The following CTNNA2 variants were observed in gnomAD, a reference collection of about 807,000 sequenced individuals.
CTNNA2 encodes the protein catenin alpha-2.
CTNNA2 carries 42 observed loss-of-function variants against 101.0 expected under a neutral mutation model. The ratio of observed to expected loss-of-function variants is 0.42; its 90% confidence interval spans 0.32 to 0.54. The LOEUF (loss-of-function observed/expected upper bound fraction) is 0.54. Among genes scored for constraint, CTNNA2 ranks in the 20% least tolerant of loss-of-function variants. The pLI, the probability that CTNNA2 is intolerant of heterozygous loss-of-function variation, is 0.14. For synonymous variants in CTNNA2, 450 were observed against 456.4 expected (o/e 0.99, Z 0.18); for missense variants, 871 against 1,223.1 (o/e 0.71, Z 4.29).
At chr2:79,749,162 G>A (rs77180289) in intron 3 of CTNNA2, among the ~76,000 whole-genome samples, 5,702 of 152,032 alleles carry the variant, frequency 0.038, 311 homozygotes, top group African/African-American at 0.12. Flanking sequence ...ATGTTCCATG[G>A]GCTGGGCTGG....
At chr2:80,616,260 G>A (rs1172781320) in intron 17 of CTNNA2, among the ~76,000 whole-genome samples, 1 of 151,658 alleles carries the variant, frequency 6.6e-6, no homozygotes, top group Non-Finnish European at 1.5e-5. Context: ...CCAAATTTCT[G>A]TATGTGAGAC....
chr2:80,452,884 A>G (rs1175432969), intron 9 of CTNNA2, among the ~76,000 whole-genome samples: 1 of 146,858 alleles, frequency 6.8e-6, no homozygotes, highest in Non-Finnish European at 1.5e-5. Context: ...AAGACCTCCC[A>G]GGTTTTTGGA....
At chr2:79,669,180 G>A (rs762951750) in intron 2 of CTNNA2, among the ~76,000 whole-genome samples, 26 of 151,998 alleles carry the variant, frequency 1.7e-4, no homozygotes, top group Admixed American at 1.2e-3. Flanking sequence ...CCATGAAACC[G>A]GTATGATAGT....
intron 7 of CTNNA2, among the ~76,000 whole-genome samples, chr2:79,943,732 A>G (rs1256956661): frequency 1.3e-5 from 2 of 152,368 alleles, no homozygotes; most frequent in East Asian, 3.9e-4. Context: ...AAAAATATAA[A>G]GGCTTTATAA....
intron 7 of CTNNA2, among the ~76,000 whole-genome samples, chr2:80,064,582 G>T (rs1445712546): frequency 6.6e-6 from 1 of 152,226 alleles, no homozygotes; most frequent in East Asian, 1.9e-4. Flanking sequence ...GGGCTGGATG[G>T]TTAAAGTTGG....
intron 9 of CTNNA2, among the ~76,000 whole-genome samples, chr2:80,540,529 G>A (rs1276566080): frequency 6.6e-6 from 1 of 151,738 alleles, no homozygotes; most frequent in Non-Finnish European, 1.5e-5. Context: ...CCTGGGAGGT[G>A]GAGGTTACAG....
chr2:79,862,658 C>T (rs1269780253), intron 4 of CTNNA2, among the ~76,000 whole-genome samples: 5 of 152,260 alleles, frequency 3.3e-5, no homozygotes, highest in African/African-American at 1.2e-4. Context: ...TTATTAGGTG[C>T]TGACCATATG....
chr2:79,760,594 A>G lies in CTNNA2; in HGVS notation c.298+16012A>G, dbSNP rs1016386796. ...AATCTTCTTTACTTAAATGTTAACT[A>G]TATCTACAAAATGTCTAGAAAGCAA... On this transcript the variant is annotated intron_variant, in intron 3 of 18. Transcript: ENST00000402739. Among the ~76,000 whole-genome samples, 62 of 152,186 alleles carry G rather than the reference A, an allele frequency of 4.1e-4. 1 individual carries two copies. The highest frequency in any genetic ancestry group is 2.9e-3 in the Admixed American group (45 of 15,284).
At position 80,603,993 on chromosome 2, in the gene CTNNA2, C is replaced by T. The variant is rs1020636951; in HGVS notation, c.2190-81C>T. 10 of 1,203,374 alleles carry T rather than the reference C, an allele frequency of 8.3e-6. No individual in the cohort carries two copies. In the Admixed American group the frequency reaches 1.8e-4, roughly 22 times the overall value. 74.5% of individuals were successfully genotyped at this position (1,203,374 alleles called of 1,614,324 possible). A position where few individuals can be genotyped will look rare whatever the true frequency, so the allele number is the denominator to read the frequency against. On this transcript the variant is annotated intron_variant, in intron 15 of 18. Coordinates refer to ENST00000402739, the MANE Select transcript of CTNNA2 (RefSeq NM_001282597.3). Reference sequence around the variant, plus strand: ...GTGCCAAATAAAATACAACACTAGACTCCTGGACAAAGGATATGGTAGGTT... The same window carrying T: ...GTGCCAAATAAAATACAACACTAGATTCCTGGACAAAGGATATGGTAGGTT...
Position 80,024,300 on chromosome 2 carries a change from G to A in CTNNA2, c.1056+114503G>A, listed in dbSNP as rs78674190. Among the ~76,000 whole-genome samples, 1,181 of 152,240 alleles carry A rather than the reference G, an allele frequency of 7.8e-3. 7 individuals are homozygous for A. The highest frequency in any genetic ancestry group is 0.01 in the Non-Finnish European group (686 of 68,012). On this transcript the variant is annotated intron_variant, in intron 7 of 18. Transcript: ENST00000402739. ...ATAAGACTTTTCAATAAAATGTGAC[G>A]AGTGCTTGGATACAGGACTGCATGT...
intron 7 of CTNNA2, among the ~76,000 whole-genome samples, chr2:79,932,493 T>C (rs988287973): frequency 2.0e-5 from 3 of 152,066 alleles, no homozygotes; most frequent in African/African-American, 7.2e-5. Flanking sequence ...TTTTTTTTTT[T>C]TTCTTTTTTT....
intron 2 of CTNNA2, among the ~76,000 whole-genome samples, chr2:79,260,590 CT>C (rs535821672): frequency 6.6e-6 from 1 of 152,084 alleles, no homozygotes; most frequent in Admixed American, 6.5e-5. Context: ...CATTTTTAAA[CT>C]TTTTTTTAAC....
intron 2 of CTNNA2, among the ~76,000 whole-genome samples, chr2:79,271,178 A>C (rs956759488): frequency 1.3e-5 from 2 of 152,100 alleles, no homozygotes; most frequent in Non-Finnish European, 2.9e-5. Context: ...CGATTCTTCT[A>C]GTAAGTAATA....
chr2:80,584,825 T>C (rs1229740473), intron 14 of CTNNA2, among the ~76,000 whole-genome samples: 1 of 152,122 alleles, frequency 6.6e-6, no homozygotes, highest in Non-Finnish European at 1.5e-5. Context: ...TGATGATGCT[T>C]GTGGCTTGAG....
intron 7 of CTNNA2, among the ~76,000 whole-genome samples, chr2:80,276,209 A>G (rs1673888660): frequency 6.6e-6 from 1 of 152,182 alleles, no homozygotes; most frequent in South Asian, 2.1e-4. Context: ...CACAATTCAG[A>G]ACTATTGAGT....
intron 4 of CTNNA2, among the ~76,000 whole-genome samples, chr2:79,425,408 A>T (rs1278778143): frequency 2.6e-5 from 4 of 152,154 alleles, no homozygotes. Flanking sequence ...TAATATATAA[A>T]GGACAGAAAT....
intron 7 of CTNNA2, among the ~76,000 whole-genome samples, chr2:80,000,879 C>G (rs1692901503): frequency 6.6e-6 from 1 of 152,148 alleles, no homozygotes; most frequent in Admixed American, 6.5e-5. Flanking sequence ...GAGTGAGCAA[C>G]TGATTTGGAT....
At chr2:79,497,521 A>T (rs1671271700) in intron 4 of CTNNA2, among the ~76,000 whole-genome samples, 1 of 152,264 alleles carries the variant, frequency 6.6e-6, no homozygotes, top group South Asian at 2.1e-4. Flanking sequence ...TGTACAGCGT[A>T]ATGTTACATC....
At chr2:80,636,042 C>T (rs1279576085) in intron 18 of CTNNA2, among the ~76,000 whole-genome samples, 1 of 149,336 alleles carries the variant, frequency 6.7e-6, no homozygotes, top group Non-Finnish European at 1.5e-5. Context: ...AGCCCAGGCA[C>T]TGTCCTTTTC....
Sources: gnomAD v4.1 joint callset for allele counts (sites outside exome capture counted in the v4.1 genomes callset) on GRCh38, gnomAD v4.1.1 for gene constraint, MANE v1.5 for transcripts, NCBI Gene and HGNC (gene_info 2026-07-23, HGNC 2026-07-21) for gene names.